Variants in IYD observed in about 807,000 individuals in gnomAD.
The protein encoded by IYD is iodotyrosine deiodinase 1.
In IYD, 25 loss-of-function variants were observed where a neutral mutation model predicts 28.4. The observed-to-expected ratio is 0.88, with a 90% CI of 0.64 to 1.23. The LOEUF is 1.23. Ranked by LOEUF, IYD falls within the 50% of genes most tolerant of loss-of-function variation. IYD has a pLI of 0.00. For synonymous variants in IYD, 140 were observed against 130.8 expected (o/e 1.07, Z -0.48); for missense variants, 352 against 357.9 (o/e 0.98, Z 0.13).
intron 1 of IYD, among the ~76,000 whole-genome samples, chr6:150,380,138 T>C (rs1049979053): frequency 3.9e-5 from 6 of 152,218 alleles, no homozygotes; most frequent in African/African-American, 1.4e-4. Flanking sequence ...GAATGACTTG[T>C]ATATTTCCAT....
intron 1 of IYD, among the ~76,000 whole-genome samples, chr6:150,378,145 C>A (rs1777515649): frequency 2.0e-5 from 3 of 151,984 alleles, no homozygotes; most frequent in Middle Eastern, 3.2e-3. Flanking sequence ...GGGTCTTTGA[C>A]CTTCTTCCAC....
At chr6:150,391,562 C>T (rs1218735492) in intron 2 of IYD, among the ~76,000 whole-genome samples, 2 of 152,132 alleles carry the variant, frequency 1.3e-5, no homozygotes, top group African/African-American at 4.8e-5. Flanking sequence ...GAGGTGAGTT[C>T]CCACAACCCT....
chr6:150,373,120 A>C (rs766689877), intron 1 of IYD, among the ~76,000 whole-genome samples: 1 of 152,212 alleles, frequency 6.6e-6, no homozygotes, highest in Non-Finnish European at 1.5e-5. Flanking sequence ...TCCAAAAGCT[A>C]TTATTCTAAC....
At chr6:150,388,291 G>A (rs1399629402) in intron 1 of IYD, among the ~76,000 whole-genome samples, 1 of 152,152 alleles carries the variant, frequency 6.6e-6, no homozygotes, top group Non-Finnish European at 1.5e-5. Flanking sequence ...GTGGGCCTGG[G>A]CTTTGATATC....
intron 1 of IYD, among the ~76,000 whole-genome samples, chr6:150,382,035 G>A (rs148014656): frequency 3.3e-5 from 5 of 152,270 alleles, no homozygotes; most frequent in Non-Finnish European, 5.9e-5. Flanking sequence ...GATGTACCAC[G>A]CAGATCCCCC....
chr6:150,374,922 G>A (rs1777391502), intron 1 of IYD, among the ~76,000 whole-genome samples: 1 of 152,170 alleles, frequency 6.6e-6, no homozygotes, highest in Non-Finnish European at 1.5e-5. Flanking sequence ...AAGAAGGGCA[G>A]TGGAAGGTCA....
chr6:150,381,801 G>A (rs542754870), intron 1 of IYD, among the ~76,000 whole-genome samples: 1 of 152,128 alleles, frequency 6.6e-6, no homozygotes, highest in Non-Finnish European at 1.5e-5. Context: ...TGCAAAGCAG[G>A]TTAGGCATGT....
At chr6:150,397,874 G>T (rs1778380788) in intron 4 of IYD, among the ~76,000 whole-genome samples, 181 bp from the exon 5 acceptor site, 1 of 151,408 alleles carries the variant, frequency 6.6e-6, no homozygotes, top group Admixed American at 6.6e-5. Flanking sequence ...GGGGTGGGGA[G>T]ATTGATGGGG....
At chr6:150,378,603 A>C (rs967382617) in intron 1 of IYD, among the ~76,000 whole-genome samples, 3 of 152,182 alleles carry the variant, frequency 2.0e-5, no homozygotes, top group Non-Finnish European at 4.4e-5. Flanking sequence ...ACCATCTCAC[A>C]CCAGTTAGGA....
At chr6:150,380,709 C>T (rs75024427) in intron 1 of IYD, among the ~76,000 whole-genome samples, 1,592 of 151,322 alleles carry the variant, frequency 0.011, 25 homozygotes, top group African/African-American at 0.037. Context: ...GTGTTTTCTT[C>T]TTCCACCTCA....
At chr6:150,389,643 C>G in intron 2 of IYD, 100 bp downstream of exon 2, 1 of 1,057,950 alleles carries the variant, frequency 9.5e-7, no homozygotes, top group South Asian at 1.3e-5. Flanking sequence ...CGAATAAAGC[C>G]TAGAGTGATA....
intron 1 of IYD, among the ~76,000 whole-genome samples, chr6:150,388,458 G>T (rs550066424): frequency 2.0e-5 from 3 of 152,194 alleles, no homozygotes; most frequent in Non-Finnish European, 2.9e-5. Context: ...TATGTTGTAG[G>T]CTCAACGATT....
In IYD at chr6:150,404,833, T is replaced by C. The variant is rs1778603687; in HGVS notation, c.*6596T>C. On this transcript the variant is annotated 3_prime_UTR_variant, in exon 5 of 5. Coordinates refer to ENST00000344419, the MANE Select transcript of IYD (RefSeq NM_203395.3). ...CACTATAACCCAAACAAATAAGGGA[T>C]TATTTTTCCCTCCTAGTGAGAAGTC... 1 of 152,190 alleles carries C rather than the reference T, an allele frequency of 6.6e-6. No individual in the cohort carries two copies. The highest frequency in any genetic ancestry group is 1.5e-5 in the Non-Finnish European group (1 of 68,032). 9.4% of individuals were successfully genotyped at this position (152,190 alleles called of 1,614,324 possible).
Position 150,393,931 on chromosome 6 carries a change from C to T in IYD, c.531-168C>T, listed in dbSNP as rs543191093. Among the ~76,000 whole-genome samples, 592 of 152,170 alleles carry T rather than the reference C, an allele frequency of 3.9e-3. 1 individual carries two copies. Among genetic ancestry groups the T allele is most frequent in the Non-Finnish European group, 6.9e-3 (472 of 68,018 alleles). On this transcript the variant is annotated intron_variant, in intron 3 of 4. Coordinates refer to ENST00000344419, the MANE Select transcript of IYD (RefSeq NM_203395.3). ...GACATGTTTATGAAATTGAATGATCCTGGTCAGAAAAAGTGGAATGAGACA... is the reference window on the plus strand; with the variant it reads ...GACATGTTTATGAAATTGAATGATCTTGGTCAGAAAAAGTGGAATGAGACA...
chr6:150,383,286 C>T (rs1777718309), intron 1 of IYD, among the ~76,000 whole-genome samples: 1 of 152,120 alleles, frequency 6.6e-6, no homozygotes, highest in African/African-American at 2.4e-5. Context: ...GTGTAGGGGG[C>T]TGTCAAGTCT....
chr6:150,393,803 C>T (rs1052575177), intron 3 of IYD, among the ~76,000 whole-genome samples: 2 of 152,194 alleles, frequency 1.3e-5, no homozygotes, highest in South Asian at 4.1e-4. Context: ...GCCATCCTTG[C>T]CTTCTCCCTT....
intron 4 of IYD, chr6:150,396,603 G>C (rs1011779537): frequency 1.6e-5 from 9 of 577,880 alleles, no homozygotes; most frequent in Non-Finnish European, 2.4e-5. Flanking sequence ...GGCCAGGTGC[G>C]GTGGCTCACG....
intron 1 of IYD, among the ~76,000 whole-genome samples, chr6:150,375,021 G>A (rs1359483390): frequency 6.6e-6 from 1 of 152,126 alleles, no homozygotes; most frequent in African/African-American, 2.4e-5. Flanking sequence ...CCTATTCAAG[G>A]TGTCTCTTTC....
rs1778480939 is a variant in IYD at position 150,400,622 on chromosome 6, T to C, written c.*2385T>C. 1 of 152,092 alleles carries C rather than the reference T, an allele frequency of 6.6e-6. No homozygotes were observed. The allele number at this position is 152,092 out of a possible 1,614,324, so 9.4% of individuals were successfully genotyped here. A position where few individuals can be genotyped will look rare whatever the true frequency, so the allele number is the denominator to read the frequency against. ...AGGCCTGGACTATTTAAGGAGTGAG[T>C]GTCACTGTGGGAAGAATAAGAGGGG... On this transcript the variant is annotated 3_prime_UTR_variant, in exon 5 of 5. Coordinates refer to ENST00000344419, the MANE Select transcript of IYD (RefSeq NM_203395.3).
Sources: gnomAD v4.1 joint callset for allele counts (sites outside exome capture counted in the v4.1 genomes callset) on GRCh38, gnomAD v4.1.1 for gene constraint, MANE v1.5 for transcripts, NCBI Gene and HGNC (gene_info 2026-07-23, HGNC 2026-07-21) for gene names.